The following FAM13A variants were observed in gnomAD, a reference collection of about 807,000 sequenced individuals.
FAM13A encodes family with sequence similarity 13 member A.
In FAM13A, 76 loss-of-function variants were observed where a neutral mutation model predicts 129.6. The observed-to-expected ratio is 0.59, with a 90% CI of 0.49 to 0.71. The LOEUF (loss-of-function observed/expected upper bound fraction) is 0.71. Ranked by LOEUF, FAM13A falls within the 30% of genes least tolerant of loss-of-function variation. The pLI is 0.00. For missense variants in FAM13A, 1,108 were observed against 1,249.3 expected (o/e 0.89, Z 1.70); for synonymous variants, 443 against 449.9 (o/e 0.98, Z 0.20).
chr4:88,868,620 G>A (rs1220870934), intron 6 of FAM13A, among the ~76,000 whole-genome samples: 1 of 152,126 alleles, frequency 6.6e-6, no homozygotes, highest in Non-Finnish European at 1.5e-5. Flanking sequence ...AATGGCCCCA[G>A]ACTATTTCCG....
chr4:88,908,188 C>G (rs554884519), intron 5 of FAM13A, among the ~76,000 whole-genome samples: 9 of 152,330 alleles, frequency 5.9e-5, no homozygotes, highest in African/African-American at 2.2e-4. Context: ...AGTTACAGCA[C>G]CTGCTGGTGG....
Position 88,961,347 on chromosome 4 carries a change from C to CTTTTTTTTTTTTTTTTTTTTTTTTTTTTT in FAM13A, c.606-23135_606-23107dup, listed in dbSNP as rs773764813. Among the ~76,000 whole-genome samples the CTTTTTTTTTTTTTTTTTTTTTTTTTTTTT allele has an allele frequency of 1.3e-4, 7 of 55,442 alleles. 2 individuals are homozygous for CTTTTTTTTTTTTTTTTTTTTTTTTTTTTT. The highest frequency in any genetic ancestry group is 2.6e-4 in the Admixed American group (1 of 3,806). The allele number at this position is 55,442 out of a possible 152,430, so 36.4% of individuals were successfully genotyped here. A position where few individuals can be genotyped will look rare whatever the true frequency, so the allele number is the denominator to read the frequency against. On this transcript the variant is annotated intron_variant, in intron 4 of 23. Transcript: ENST00000264344. Reference sequence around the variant, plus strand: ...AAATCCTCAGCTTTGTGGAATTTGCCTTTTTTTTTTTTTTTTTTTTTTTTT... The same window carrying CTTTTTTTTTTTTTTTTTTTTTTTTTTTTT: ...AAATCCTCAGCTTTGTGGAATTTGCCTTTTTTTTTTTTTTTTTTTTTTTTTTTTTTTTTTTTTTTTTTTTTTTTTTTTTT...
At chr4:88,968,674 C>T (rs762802827) in intron 4 of FAM13A, among the ~76,000 whole-genome samples, 33 of 151,986 alleles carry the variant, frequency 2.2e-4, no homozygotes, top group Non-Finnish European at 4.1e-4. Flanking sequence ...TTCTCCCACC[C>T]CACTTTCTTC....
At position 88,839,080 on chromosome 4, in the gene FAM13A, G is replaced by C. The variant is rs188664392; in HGVS notation, c.1007+11940C>G. 2.3e-3 allele frequency among the ~76,000 whole-genome samples: 350 copies of C among 151,430 alleles called. 4 individuals carry two copies. The highest frequency in any genetic ancestry group is 6.6e-4 in the Admixed American group (10 of 15,208). On this transcript the variant is annotated intron_variant, in intron 7 of 23. Transcript: ENST00000264344. The stretch of plus-strand genomic sequence containing the variant: ...TCATCATGTTATTTATTTTGTTCCT[G>C]GGCTTTTGTTTTATTTTTGACATTC...
intron 21 of FAM13A, among the ~76,000 whole-genome samples, chr4:88,734,612 A>G (rs567730415): frequency 3.9e-5 from 6 of 152,234 alleles, no homozygotes; most frequent in South Asian, 4.1e-4. Flanking sequence ...GTGGTTCTCA[A>G]TCAGGGTGAT....
At chr4:88,840,573 C>T (rs1735647975) in intron 7 of FAM13A, among the ~76,000 whole-genome samples, 1 of 151,756 alleles carries the variant, frequency 6.6e-6, no homozygotes, top group East Asian at 1.9e-4. Flanking sequence ...TAGAGAGGTG[C>T]GGGTTCAGCT....
intron 14 of FAM13A, among the ~76,000 whole-genome samples, chr4:88,754,447 C>T (rs771835605): frequency 5.9e-5 from 9 of 152,142 alleles, no homozygotes; most frequent in Non-Finnish European, 1.2e-4. Flanking sequence ...AAAAGAAAAC[C>T]GGGTACTGGG....
chr4:88,910,963 T>C (rs929125289), intron 5 of FAM13A, among the ~76,000 whole-genome samples: 2 of 152,328 alleles, frequency 1.3e-5, no homozygotes, highest in East Asian at 1.9e-4. Context: ...TAATTCTTTA[T>C]TGTCCATCTC....
intron 6 of FAM13A, among the ~76,000 whole-genome samples, chr4:88,867,607 G>C (rs757844291): frequency 2.6e-5 from 4 of 152,158 alleles, no homozygotes; most frequent in South Asian, 2.1e-4. Flanking sequence ...GAGCGCGTAG[G>C]CAAATTCACA....
At chr4:88,799,190 C>A (rs1033325886) in intron 8 of FAM13A, among the ~76,000 whole-genome samples, 4 of 152,088 alleles carry the variant, frequency 2.6e-5, no homozygotes, top group African/African-American at 9.7e-5. Context: ...ACTTTGTAGC[C>A]ATTCCTCAGT....
chr4:88,917,620 A>G (rs1197145303), intron 5 of FAM13A, among the ~76,000 whole-genome samples: 3 of 152,172 alleles, frequency 2.0e-5, no homozygotes, highest in East Asian at 3.9e-4. Context: ...CATGAACATT[A>G]TAATTGCGGT....
At chr4:89,015,237 G>A (rs541188482) in intron 3 of FAM13A, among the ~76,000 whole-genome samples, 19 of 152,110 alleles carry the variant, frequency 1.2e-4, no homozygotes, top group East Asian at 1.2e-3. Context: ...TTTTAATTTC[G>A]CCCCGGTCCT....
intron 7 of FAM13A, among the ~76,000 whole-genome samples, chr4:88,830,930 G>C (rs1168261155): frequency 6.7e-6 from 1 of 149,822 alleles, no homozygotes; most frequent in African/African-American, 2.4e-5. Flanking sequence ...CAAAAGACAA[G>C]CAGTTATTCA....
chr4:88,806,799 G>C (rs1330058267), intron 7 of FAM13A, among the ~76,000 whole-genome samples: 14 of 152,124 alleles, frequency 9.2e-5, no homozygotes, highest in Non-Finnish European at 2.1e-4. Flanking sequence ...CAGGTGTCCA[G>C]GAAGAAACCA....
chr4:88,787,551 G>A (rs1046912350), intron 10 of FAM13A, among the ~76,000 whole-genome samples: 7 of 152,126 alleles, frequency 4.6e-5, no homozygotes, highest in South Asian at 2.1e-4. Context: ...TGGATGAAAC[G>A]GAAATATTTA....
chr4:89,049,920 C>T lies in FAM13A; in HGVS notation c.27+7018G>A, dbSNP rs28675847. ...ACTTCTAAATCTAGAGAATGGGATTCTGTTTTGAGCAACATTAATTTAACA... is the reference window on the plus strand; with the variant it reads ...ACTTCTAAATCTAGAGAATGGGATTTTGTTTTGAGCAACATTAATTTAACA... On this transcript the variant is annotated intron_variant, in intron 1 of 23. Transcript: ENST00000264344. Among the ~76,000 whole-genome samples the T allele has an allele frequency of 7.3e-3, 1,109 of 151,192 alleles. 18 individuals are homozygous for T. Among genetic ancestry groups the T allele is most frequent in the African/African-American group, 0.025 (997 of 40,446 alleles).
chr4:88,835,884 T>C (rs1734727154), intron 7 of FAM13A, among the ~76,000 whole-genome samples: 2 of 152,122 alleles, frequency 1.3e-5, no homozygotes, highest in African/African-American at 4.8e-5. Context: ...TAATAGGCCA[T>C]GGACCTGTAC....
intron 1 of FAM13A, among the ~76,000 whole-genome samples, chr4:89,032,040 A>C (rs1579856061): frequency 6.6e-6 from 1 of 152,218 alleles, no homozygotes; most frequent in East Asian, 1.9e-4. Flanking sequence ...CAAAATGGTG[A>C]AACCCCATCT....
At chr4:88,965,275 T>C (rs1042088746) in intron 4 of FAM13A, among the ~76,000 whole-genome samples, 1 of 152,172 alleles carries the variant, frequency 6.6e-6, no homozygotes, top group Non-Finnish European at 1.5e-5. Flanking sequence ...CTATATAAGG[T>C]GATCCAAAGT....
Sources: gnomAD v4.1 joint callset for allele counts (sites outside exome capture counted in the v4.1 genomes callset) on GRCh38, gnomAD v4.1.1 for gene constraint, MANE v1.5 for transcripts, NCBI Gene and HGNC (gene_info 2026-07-23, HGNC 2026-07-21) for gene names.